The following CNTNAP4 variants were observed in gnomAD, a reference collection of about 807,000 sequenced individuals.
The protein encoded by CNTNAP4 is contactin associated protein family member 4, also known as contactin-associated protein-like 4.
CNTNAP4 carries 98 observed loss-of-function variants against 148.4 expected under a neutral mutation model. The observed-to-expected ratio is 0.66, with a 90% confidence interval of 0.56 to 0.78. CNTNAP4 has a LOEUF of 0.78. CNTNAP4 is among the 30% of genes least tolerant of loss of function. The pLI, the probability that CNTNAP4 is intolerant of heterozygous loss-of-function variation, is 0.00. For synonymous variants in CNTNAP4, 730 were observed against 565.1 expected (o/e 1.29, Z -4.14); for missense variants, 1,935 against 1,565.6 (o/e 1.24, Z -3.98).
At chr16:76,537,970 A>G in intron 18 of CNTNAP4, 146 bp from the exon 19 acceptor site, 1 of 327,286 alleles carries the variant, frequency 3.1e-6, no homozygotes, top group South Asian at 1.3e-4. Context: ...AAGCTCTATT[A>G]ACTTACTTTA....
chr16:76,297,701 A>G (rs747625065), intron 1 of CNTNAP4, among the ~76,000 whole-genome samples: 2 of 152,126 alleles, frequency 1.3e-5, no homozygotes, highest in Non-Finnish European at 2.9e-5. Context: ...TAGATACACA[A>G]TCCTTCACTT....
chr16:76,288,585 C>T (rs914545473), intron 1 of CNTNAP4, among the ~76,000 whole-genome samples: 1 of 152,176 alleles, frequency 6.6e-6, no homozygotes, highest in Non-Finnish European at 1.5e-5. Context: ...CATAGCACTT[C>T]AAATGTTTGC....
At chr16:76,338,376 C>A (rs534676295) in intron 2 of CNTNAP4, among the ~76,000 whole-genome samples, 1 of 152,146 alleles carries the variant, frequency 6.6e-6, no homozygotes, top group East Asian at 1.9e-4. Context: ...CTGTTGCCCC[C>A]TCTATTCCCT....
At chr16:76,462,194 A>G (rs2080999644) in intron 9 of CNTNAP4, 89 bp downstream of exon 9, 2 of 1,104,960 alleles carry the variant, frequency 1.8e-6, no homozygotes, top group East Asian at 5.3e-5. Context: ...GTTTTAACTA[A>G]TATGAATACT....
intron 3 of CNTNAP4, among the ~76,000 whole-genome samples, chr16:76,381,152 A>T (rs1473338910): frequency 1.3e-5 from 2 of 152,222 alleles, no homozygotes; most frequent in Non-Finnish European, 2.9e-5. Flanking sequence ...ATTGAATCAG[A>T]TGGACTGAAT....
At chr16:76,308,747 G>C (rs373901089) in intron 1 of CNTNAP4, among the ~76,000 whole-genome samples, 17 of 152,328 alleles carry the variant, frequency 1.1e-4, no homozygotes, top group African/African-American at 4.1e-4. Flanking sequence ...CAGGCAGTTA[G>C]GATGAATCAC....
At chr16:76,413,725 C>T (rs1304513586) in intron 3 of CNTNAP4, among the ~76,000 whole-genome samples, 5 of 151,258 alleles carry the variant, frequency 3.3e-5, no homozygotes, top group African/African-American at 9.7e-5. Context: ...GGAGTATTGA[C>T]ATCTTTTCAA....
intron 15 of CNTNAP4, among the ~76,000 whole-genome samples, chr16:76,504,427 A>C (rs1438675333): frequency 6.6e-6 from 1 of 152,004 alleles, no homozygotes. Context: ...AAAAAAAAAG[A>C]GTGTCAATTC....
chr16:76,390,671 G>C (rs2016906489), intron 3 of CNTNAP4, among the ~76,000 whole-genome samples: 1 of 151,890 alleles, frequency 6.6e-6, no homozygotes, highest in Non-Finnish European at 1.5e-5. Flanking sequence ...TGGCTTCACA[G>C]GTAGCTTACT....
chr16:76,553,938 G>T, intron 23 of CNTNAP4, 31 bp downstream of exon 23: 5 of 1,343,102 alleles, frequency 3.7e-6, no homozygotes, highest in African/African-American at 1.4e-5. Flanking sequence ...GCTCTTCTTT[G>T]GTTGTTCTTA....
intron 1 of CNTNAP4, among the ~76,000 whole-genome samples, chr16:76,284,046 A>G (rs1958789756): frequency 6.6e-6 from 1 of 151,990 alleles, no homozygotes; most frequent in Non-Finnish European, 1.5e-5. Flanking sequence ...TAGTGTTTCA[A>G]TTATTATTTA....
intron 21 of CNTNAP4, among the ~76,000 whole-genome samples, chr16:76,541,022 C>T (rs1438800360): frequency 6.6e-6 from 1 of 151,980 alleles, no homozygotes; most frequent in Admixed American, 6.6e-5. Context: ...TGGTCTCAGT[C>T]CTGTCTCAAT....
At position 76,303,213 on chromosome 16, in the gene CNTNAP4, CTTAG is replaced by C. The variant is rs931080410; in HGVS notation, c.86-13198_86-13195del. Among the ~76,000 whole-genome samples, 18 of 151,942 alleles carry C rather than the reference CTTAG, an allele frequency of 1.2e-4. 1 individual carries two copies. Among genetic ancestry groups the C allele is most frequent in the Non-Finnish European group, 1.9e-4 (13 of 67,986 alleles). On this transcript the variant is annotated intron_variant, in intron 1 of 23. Transcript: ENST00000611870. ...TTCTAGTTGGCTTGATTTTTTTTCC[CTTAG>C]TGAGAAATAGCTATTTATTAAACTA...
In CNTNAP4 at chr16:76,558,834, G is replaced by T; in HGVS notation, c.*151G>T. 1.9e-6 allele frequency: 1 copy of T among 533,942 alleles called. No homozygotes were observed. The allele number at this position is 533,942 out of a possible 1,614,324, so 33.1% of individuals were successfully genotyped here. ...ATGTACAGGCTTGGGGTGGCTCCAGGAAGCCTCGTCCAGTGATATATTTCT... is the reference window on the plus strand; with the variant it reads ...ATGTACAGGCTTGGGGTGGCTCCAGTAAGCCTCGTCCAGTGATATATTTCT... On this transcript the variant is annotated 3_prime_UTR_variant, in exon 24 of 24. Coordinates refer to ENST00000611870, the MANE Select transcript of CNTNAP4 (RefSeq NM_033401.5).
chr16:76,322,823 T>A (rs749324928), intron 2 of CNTNAP4, among the ~76,000 whole-genome samples: 112 of 150,342 alleles, frequency 7.4e-4, no homozygotes, highest in Non-Finnish European at 1.3e-3. Context: ...TTATTCCTTT[T>A]TATTTTATTT....
chr16:76,335,366 T>C (rs1351086935), intron 2 of CNTNAP4, among the ~76,000 whole-genome samples: 1 of 152,110 alleles, frequency 6.6e-6, no homozygotes, highest in Non-Finnish European at 1.5e-5. Context: ...CACTCAATGC[T>C]TAAGAGAAAG....
intron 10 of CNTNAP4, among the ~76,000 whole-genome samples, chr16:76,474,406 C>G (rs1208686887): frequency 2.6e-5 from 4 of 152,122 alleles, no homozygotes; most frequent in Middle Eastern, 6.8e-3. Flanking sequence ...CCGCAAGAAA[C>G]CTATCTAAAT....
At chr16:76,322,423 G>C (rs994302353) in intron 2 of CNTNAP4, among the ~76,000 whole-genome samples, 1 of 152,094 alleles carries the variant, frequency 6.6e-6, no homozygotes. Flanking sequence ...CTTCTCTTTC[G>C]TATTCTTTCC....
intron 3 of CNTNAP4, among the ~76,000 whole-genome samples, chr16:76,372,957 T>C (rs1597353640): frequency 6.6e-6 from 1 of 152,336 alleles, no homozygotes; most frequent in African/African-American, 2.4e-5. Flanking sequence ...GAAGAGATAT[T>C]GATAATATTA....
Sources: allele counts gnomAD v4.1 joint callset (sites outside exome capture counted in the v4.1 genomes callset), GRCh38; gene constraint gnomAD v4.1.1; transcripts MANE v1.5; gene names NCBI Gene and HGNC (gene_info 2026-07-23, HGNC 2026-07-21).